PGBD5: variants seen among roughly 807,000 people sequenced by gnomAD.
The protein encoded by PGBD5 is piggyBac transposable element-derived protein 5.
A neutral mutation model predicts 47.9 loss-of-function variants in PGBD5; 14 were observed. The observed-to-expected ratio is 0.29, with a 90% CI of 0.19 to 0.46. The LOEUF (loss-of-function observed/expected upper bound fraction) is 0.46. Among genes scored for constraint, PGBD5 ranks in the 20% least tolerant of loss-of-function variants. The pLI is 1.00. For synonymous variants in PGBD5, 316 were observed against 306.3 expected (o/e 1.03, Z -0.33); for missense variants, 635 against 716.0 (o/e 0.89, Z 1.29).
intron 1 of PGBD5, among the ~76,000 whole-genome samples, chr1:230,393,496 C>T (rs1362466761): frequency 6.6e-6 from 1 of 152,082 alleles, no homozygotes; most frequent in Non-Finnish European, 1.5e-5. Context: ...CCAGAGGCTT[C>T]CACCCAATCT....
intron 1 of PGBD5, among the ~76,000 whole-genome samples, chr1:230,422,855 T>G (rs1276664520): frequency 6.6e-6 from 1 of 151,132 alleles, no homozygotes; most frequent in South Asian, 2.1e-4. Flanking sequence ...GCTTCCTCCC[T>G]CTCCCAGCTG....
chr1:230,385,398 C>T (rs828467), intron 1 of PGBD5, among the ~76,000 whole-genome samples: 41,506 of 152,038 alleles, frequency 0.27, 6,118 homozygotes, highest in African/African-American at 0.33. Context: ...GAAATAAGTC[C>T]TTAAAGTATT....
intron 1 of PGBD5, among the ~76,000 whole-genome samples, chr1:230,366,599 T>C (rs1367188295): frequency 6.6e-6 from 1 of 152,224 alleles, no homozygotes; most frequent in African/African-American, 2.4e-5. Context: ...CTCCAACTCC[T>C]GGATTCATGA....
At chr1:230,364,776 G>A (rs1340666590) in intron 1 of PGBD5, among the ~76,000 whole-genome samples, 5 of 151,720 alleles carry the variant, frequency 3.3e-5, no homozygotes, top group Admixed American at 6.6e-5. Context: ...ATCCCAGCAC[G>A]TTGGGAGGCC....
intron 3 of PGBD5, among the ~76,000 whole-genome samples, chr1:230,348,084 A>AG (rs1321541693): frequency 2.0e-5 from 3 of 152,190 alleles, no homozygotes; most frequent in Admixed American, 2.0e-4. Flanking sequence ...GCACAATGGG[A>AG]GAGGACCCTT....
intron 1 of PGBD5, among the ~76,000 whole-genome samples, chr1:230,415,719 G>C (rs1189023556): frequency 6.6e-6 from 1 of 152,158 alleles, no homozygotes; most frequent in Non-Finnish European, 1.5e-5. Context: ...CACTCCAAGA[G>C]GTGCAGCCAT....
chr1:230,379,453 A>C (rs1232872328), intron 1 of PGBD5, among the ~76,000 whole-genome samples: 1 of 152,210 alleles, frequency 6.6e-6, no homozygotes, highest in African/African-American at 2.4e-5. Flanking sequence ...CATCATTATT[A>C]GAATTAACTT....
At position 230,381,016 on chromosome 1, in the gene PGBD5, A is replaced by G. The variant is rs79509033; in HGVS notation, c.332-23695T>C. 3.3e-3 allele frequency among the ~76,000 whole-genome samples: 504 copies of G among 152,366 alleles called. 5 individuals are homozygous for G. The highest frequency in any genetic ancestry group is 0.011 in the African/African-American group (476 of 41,580). On this transcript the variant is annotated intron_variant, in intron 1 of 6. Transcript: ENST00000391860. Reference sequence around the variant, plus strand: ...GCCGTGTTCTCCCTAGAGAGGAGTGACAATGAGGCAAACACCATCCACGTG... The same window carrying G: ...GCCGTGTTCTCCCTAGAGAGGAGTGGCAATGAGGCAAACACCATCCACGTG...
chr1:230,394,507 T>A (rs1656874981), intron 1 of PGBD5, among the ~76,000 whole-genome samples: 1 of 117,824 alleles, frequency 8.5e-6, no homozygotes, highest in Non-Finnish European at 1.7e-5. Context: ...CTTCTTCCCA[T>A]CCCCAAGCTC....
chr1:230,359,710 G>C (rs1667713705), intron 1 of PGBD5, among the ~76,000 whole-genome samples: 1 of 152,212 alleles, frequency 6.6e-6, no homozygotes, highest in African/African-American at 2.4e-5. Context: ...CTCACCTGGT[G>C]CCTGGCCCTA....
Position 230,398,788 on chromosome 1 carries a change from A to G in PGBD5, c.331+26810T>C, listed in dbSNP as rs1657064966. ...GGGTGAAGATCTCGAGCATCAGTGC[A>G]TTGCTCTCAGTCCTCAGCACCACCT... On this transcript the variant is annotated intron_variant, in intron 1 of 6. Transcript: ENST00000391860. 2.0e-5 allele frequency among the ~76,000 whole-genome samples: 3 copies of G among 151,934 alleles called. No homozygotes were observed. In the South Asian group the frequency reaches 6.2e-4, roughly 32 times the overall value.
In PGBD5 at chr1:230,316,014, ATATG is replaced by A. The variant is rs1464388475; in HGVS notation, c.*7407_*7410del. ...CATACATAAGTATATGTGTACACAT[ATATG>A]TATGTGTATACATACATAAGTATAT... On this transcript the variant is annotated 3_prime_UTR_variant, in exon 7 of 7. Transcript: ENST00000391860. 2.6e-5 allele frequency: 3 copies of A among 113,272 alleles called. 1 individual carries two copies. The highest frequency in any genetic ancestry group is 4.4e-5 in the African/African-American group (1 of 22,648). The allele number at this position is 113,272 out of a possible 1,614,324, so 7.0% of individuals were successfully genotyped here.
At chr1:230,356,819 C>G in intron 2 of PGBD5, 75 bp downstream of exon 2, 1 of 1,515,126 alleles carries the variant, frequency 6.6e-7, no homozygotes, top group Non-Finnish European at 8.9e-7. Context: ...CACCCCAAAG[C>G]CCTGCCAACA....
At chr1:230,344,142 G>A (rs144915252) in intron 3 of PGBD5, among the ~76,000 whole-genome samples, 1,633 of 152,232 alleles carry the variant, frequency 0.011, 34 homozygotes, top group African/African-American at 0.036. Context: ...AAATTTAGCC[G>A]GGCGTGGTGG....
intron 1 of PGBD5, among the ~76,000 whole-genome samples, chr1:230,358,738 T>C (rs932407162): frequency 6.6e-6 from 1 of 152,254 alleles, no homozygotes; most frequent in African/African-American, 2.4e-5. Flanking sequence ...CACTTGCCTA[T>C]TGTACTGTAT....
Position 230,357,295 on chromosome 1 carries a change from C to T in PGBD5, c.358G>A (p.Ala120Thr), listed in dbSNP as rs767804134. 16 of 1,613,518 alleles carry T rather than the reference C, an allele frequency of 9.9e-6. No homozygotes were observed. Among genetic ancestry groups the T allele is most frequent in the East Asian group, 4.5e-5 (2 of 44,882 alleles). ...AGCTGGAAGAAGTCCACGGCACTGG[C>T]GCTGGGGGGCATCTTTCGGGTGGGA... ...GGPTRKMPPS[A>T]SAVDFFQLFV... is the part of the protein sequence containing the mutation. The change falls in exon 2 of 7, where the codon GCC becomes ACC. Residue 120 changes from alanine to threonine, a missense_variant. Physicochemically the swap from Ala to Thr is moderately conservative, Grantham distance 58 (BLOSUM62 0). Transcript: ENST00000391860. This position sits in a 1 kb window ranked among gnomAD's most constrained non-coding sequence, Gnocchi z 5.7.
intron 2 of PGBD5, among the ~76,000 whole-genome samples, chr1:230,352,850 CCCTCTG>C (rs1320884455): frequency 6.6e-6 from 1 of 152,238 alleles, no homozygotes; most frequent in Admixed American, 6.5e-5. Flanking sequence ...CATAAAAAAG[CCCTCTG>C]CCTGTCCTTT....
intron 4 of PGBD5, chr1:230,336,280 G>A (rs1382765471): frequency 6.6e-6 from 1 of 152,206 alleles, no homozygotes; most frequent in African/African-American, 2.4e-5. Flanking sequence ...AGATGCAGCT[G>A]AGGCCAGCAA....
intron 1 of PGBD5, among the ~76,000 whole-genome samples, chr1:230,364,686 A>C (rs1667800585): frequency 6.6e-6 from 1 of 152,286 alleles, no homozygotes; most frequent in African/African-American, 2.4e-5. Flanking sequence ...GTTCACAGGA[A>C]ATATGAACCA....
Sources: gnomAD v4.1 joint callset for allele counts (sites outside exome capture counted in the v4.1 genomes callset) on GRCh38, gnomAD v4.1.1 for gene constraint, Gnocchi (gnomAD v3.1) non-coding constraint, MANE v1.5 for transcripts, NCBI Gene and HGNC (gene_info 2026-07-23, HGNC 2026-07-21) for gene names.